Variants in HYDIN observed in about 807,000 individuals in gnomAD.
HYDIN encodes HYDIN axonemal central pair apparatus protein, also known as axonemal central pair apparatus protein HYDIN.
A neutral mutation model predicts 403.9 loss-of-function variants in HYDIN; 132 were observed. The ratio of observed to expected loss-of-function variants is 0.33; its 90% CI spans 0.28 to 0.38. HYDIN has a LOEUF of 0.38. Ranked by LOEUF, HYDIN falls within the 10% of genes least tolerant of loss-of-function variation. The pLI is 1.00. For synonymous variants in HYDIN, 1,202 were observed against 1,891.7 expected (o/e 0.64, Z 9.46); for missense variants, 2,827 against 5,009.5 (o/e 0.56, Z 13.15).
At chr16:70,849,099 C>G (rs988338419) in intron 75 of HYDIN, among the ~76,000 whole-genome samples, 1 of 152,020 alleles carries the variant, frequency 6.6e-6, no homozygotes, top group Non-Finnish European at 1.5e-5. Flanking sequence ...GCAATCTGTT[C>G]TACCTCCTCC....
intron 40 of HYDIN, among the ~76,000 whole-genome samples, chr16:70,954,202 A>G (rs1484747954): frequency 2.8e-5 from 2 of 71,246 alleles, no homozygotes; most frequent in Non-Finnish European, 5.4e-5. Context: ...CCAAAACTCA[A>G]TTCAGGCTAG....
intron 36 of HYDIN, among the ~76,000 whole-genome samples, chr16:70,969,383 G>A (rs1332592551): frequency 1.3e-5 from 2 of 152,134 alleles, no homozygotes; most frequent in Admixed American, 6.5e-5. Context: ...CCTGAAAGCA[G>A]TGAGAGAGAG....
chr16:71,118,062 A>C (rs1354633213), intron 9 of HYDIN, among the ~76,000 whole-genome samples: 3 of 152,110 alleles, frequency 2.0e-5, no homozygotes, highest in Admixed American at 6.6e-5. Flanking sequence ...GAAGTCAAGT[A>C]CTTCTTCCTC....
chr16:70,913,232 G>A (rs113865667), intron 47 of HYDIN, among the ~76,000 whole-genome samples: 2 of 151,662 alleles, frequency 1.3e-5, no homozygotes, highest in South Asian at 2.1e-4. Flanking sequence ...CCTTAGATTG[G>A]CAGTTAGTGC....
Position 71,150,660 on chromosome 16 carries a change from C to T in HYDIN, c.841+1999G>A, listed in dbSNP as rs544583555. On this transcript the variant is annotated intron_variant, in intron 7 of 85. Transcript: ENST00000393567. Reference sequence around the variant, plus strand: ...CTTGCAGAAGGCAAAGATTTCCTAGCATGGAGGCAAAAAGTGTTAATCTTG... The same window carrying T: ...CTTGCAGAAGGCAAAGATTTCCTAGTATGGAGGCAAAAAGTGTTAATCTTG... Among the ~76,000 whole-genome samples the T allele has an allele frequency of 2.0e-5, 3 of 150,400 alleles. No individual in the cohort carries two copies. In the East Asian group the frequency reaches 5.9e-4, roughly 29 times the overall value.
In HYDIN at chr16:70,809,943, T is replaced by G; in HGVS notation, c.14723A>C (p.His4908Pro). ...TTGGTAGTAACCCAAGTCAGTGTTG[T>G]GCAAAGTTAGTCTTCCGAAGGTTTC... is the stretch of plus-strand genomic sequence containing the variant. ...AGETFGRLTL[H>P]NTDLGYYQYE... is the part of the protein sequence containing the mutation. The change falls in exon 85 of 86, where the codon CAC becomes CCC. Residue 4908 changes from histidine to proline, a missense_variant. His to Pro is a moderately conservative substitution (Grantham distance 77). Coordinates refer to ENST00000393567, the MANE Select transcript of HYDIN (RefSeq NM_001270974.2). The G allele has an allele frequency of 6.2e-7, 1 of 1,614,102 alleles. No individual in the cohort carries two copies. The highest frequency in any genetic ancestry group is 2.2e-5 in the East Asian group (1 of 44,888).
chr16:70,813,740 G>A (rs957276571), intron 84 of HYDIN, among the ~76,000 whole-genome samples: 3 of 151,014 alleles, frequency 2.0e-5, no homozygotes, highest in South Asian at 4.2e-4. Context: ...TTGACAAGCT[G>A]ATTTCAAAAT....
chr16:71,043,763 G>C (rs1259049552), intron 18 of HYDIN, among the ~76,000 whole-genome samples: 1 of 151,640 alleles, frequency 6.6e-6, no homozygotes, highest in Non-Finnish European at 1.5e-5. Flanking sequence ...AGGTTTTCTT[G>C]GTGGAGCCTG....
rs1319258986 is a variant in HYDIN, at chr16:71,064,731, G to C, written c.2185C>G (p.Pro729Ala). The change falls in exon 16 of 86, where the codon CCA becomes GCA. Residue 729 changes from proline to alanine, a missense_variant. Coordinates refer to ENST00000393567, the MANE Select transcript of HYDIN (RefSeq NM_001270974.2). ...TLQLANQDDL[P>A]GFYEVQPQVC... Reference sequence around the variant, plus strand: ...TGAGGCTGGACCTCATAGAATCCTGGGAGGTCATCTTGATTGGCAAGCTGG... The same window carrying C: ...TGAGGCTGGACCTCATAGAATCCTGCGAGGTCATCTTGATTGGCAAGCTGG... 1.9e-6 allele frequency: 3 copies of C among 1,614,026 alleles called. No individual in the cohort carries two copies. In the East Asian group the frequency reaches 6.7e-5, roughly 36 times the overall value.
At chr16:70,902,794 A>AATATATATATATATATATATAT (rs1264288990) in intron 52 of HYDIN, among the ~76,000 whole-genome samples, 1 of 61,138 alleles carries the variant, frequency 1.6e-5, no homozygotes, top group Non-Finnish European at 2.8e-5. Context: ...CTACTCTTTA[A>AATATATATATATATATATATAT]ATATATATAT....
Position 70,942,534 on chromosome 16 carries a change from G to A in HYDIN, c.6670-715C>T, listed in dbSNP as rs567129072. Among the ~76,000 whole-genome samples, 45 of 152,358 alleles carry A rather than the reference G, an allele frequency of 3.0e-4. No individual in the cohort carries two copies. In the South Asian group the frequency reaches 7.2e-3, roughly 25 times the overall value. ...CTTATTAGTCTTACTGCCTTGGAGC[G>A]TAATGATTTTGGTAACAGTAACCAT... On this transcript the variant is annotated intron_variant, in intron 42 of 85. Coordinates refer to ENST00000393567, the MANE Select transcript of HYDIN (RefSeq NM_001270974.2).
At chr16:70,919,302 T>G (rs2143809259) in intron 46 of HYDIN, among the ~76,000 whole-genome samples, 1 of 152,256 alleles carries the variant, frequency 6.6e-6, no homozygotes, top group African/African-American at 2.4e-5. Context: ...GATGTTCTTG[T>G]TATAGTCCTT....
intron 23 of HYDIN, among the ~76,000 whole-genome samples, chr16:71,012,751 C>T (rs1200987702): frequency 6.6e-6 from 1 of 151,700 alleles, no homozygotes; most frequent in Non-Finnish European, 1.5e-5. Context: ...GGTTAGTGTT[C>T]GTGTATGTCT....
intron 1 of HYDIN, among the ~76,000 whole-genome samples, chr16:71,211,875 C>A (rs892415643): frequency 1.3e-5 from 2 of 152,028 alleles, no homozygotes; most frequent in South Asian, 2.1e-4. Context: ...TACAAAAAAA[C>A]CATGATTAAT....
At chr16:71,214,732 C>T (rs1300535833) in intron 1 of HYDIN, among the ~76,000 whole-genome samples, 1 of 152,198 alleles carries the variant, frequency 6.6e-6, no homozygotes, top group Non-Finnish European at 1.5e-5. Context: ...TTTTGAGGTA[C>T]ATCCTATAAG....
intron 45 of HYDIN, among the ~76,000 whole-genome samples, chr16:70,928,536 C>T (rs2077223653): frequency 6.7e-6 from 1 of 149,910 alleles, no homozygotes; most frequent in Non-Finnish European, 1.5e-5. Flanking sequence ...AAGACTCTTG[C>T]ATCTTCAACA....
chr16:71,005,064 C>A (rs1446518356), intron 23 of HYDIN, among the ~76,000 whole-genome samples: 1 of 152,198 alleles, frequency 6.6e-6, no homozygotes, highest in Non-Finnish European at 1.5e-5. Flanking sequence ...CTATTGATTT[C>A]TGACAGAACA....
chr16:71,203,119 T>C (rs1016189190), intron 1 of HYDIN, among the ~76,000 whole-genome samples: 73 of 152,218 alleles, frequency 4.8e-4, no homozygotes, highest in African/African-American at 1.7e-3. Context: ...GCCAAGTATA[T>C]AAAAGCAGAG....
intron 1 of HYDIN, among the ~76,000 whole-genome samples, chr16:71,196,298 G>A (rs994063257): frequency 6.6e-6 from 1 of 152,214 alleles, no homozygotes; most frequent in East Asian, 1.9e-4. Flanking sequence ...TCAATGGGCT[G>A]TGTAAAGTTC....
Sources: allele counts gnomAD v4.1 joint callset (sites outside exome capture counted in the v4.1 genomes callset), GRCh38; gene constraint gnomAD v4.1.1; transcripts MANE v1.5; gene names NCBI Gene and HGNC (gene_info 2026-07-23, HGNC 2026-07-21).